Variants in WDR70 observed in about 807,000 individuals in gnomAD.
WDR70 encodes the protein WD repeat domain 70, also known as WD repeat-containing protein 70.
WDR70 carries 53 observed loss-of-function variants against 88.6 expected under a neutral mutation model. That is an observed-to-expected ratio of 0.60 (90% CI 0.48 to 0.75). The LOEUF is 0.75. Among genes scored for constraint, WDR70 ranks in the 30% least tolerant of loss-of-function variants. The pLI, the probability that WDR70 is intolerant of heterozygous loss-of-function variation, is 0.00. For missense variants in WDR70, 610 were observed against 823.2 expected (o/e 0.74, Z 3.17); for synonymous variants, 280 against 270.0 (o/e 1.04, Z -0.36).
At chr5:37,501,148 A>G (rs1740395944) in intron 8 of WDR70, among the ~76,000 whole-genome samples, 1 of 151,530 alleles carries the variant, frequency 6.6e-6, no homozygotes, top group African/African-American at 2.4e-5. Flanking sequence ...TAGATTCTGG[A>G]TATTAGTGCT....
At chr5:37,604,761 G>T (rs943721988) in intron 9 of WDR70, among the ~76,000 whole-genome samples, 1 of 152,216 alleles carries the variant, frequency 6.6e-6, no homozygotes, top group African/African-American at 2.4e-5. Context: ...GGTAAAGTCA[G>T]AATAATTTGG....
At chr5:37,734,687 G>T (rs1329840001) in intron 17 of WDR70, among the ~76,000 whole-genome samples, 1 of 151,980 alleles carries the variant, frequency 6.6e-6, no homozygotes, top group Non-Finnish European at 1.5e-5. Context: ...AGGGAAGAAC[G>T]TCTACAAAAG....
intron 10 of WDR70, among the ~76,000 whole-genome samples, chr5:37,686,325 A>G (rs7732315): frequency 0.088 from 13,393 of 152,120 alleles, 1,886 homozygotes; most frequent in African/African-American, 0.3. Context: ...ACAAAGGGAA[A>G]AAAAAAAGAC....
At chr5:37,549,331 T>C (rs1277574057) in intron 9 of WDR70, among the ~76,000 whole-genome samples, 1 of 152,172 alleles carries the variant, frequency 6.6e-6, no homozygotes, top group African/African-American at 2.4e-5. Context: ...TTTTATAGTC[T>C]TCATTGTAGA....
chr5:37,613,510 C>T (rs1744245743), intron 10 of WDR70, among the ~76,000 whole-genome samples: 1 of 152,162 alleles, frequency 6.6e-6, no homozygotes, highest in Non-Finnish European at 1.5e-5. Context: ...TTATAATTCC[C>T]TCCTCTGCTC....
chr5:37,585,967 G>C (rs944489761), intron 9 of WDR70, among the ~76,000 whole-genome samples: 1 of 152,120 alleles, frequency 6.6e-6, no homozygotes, highest in Non-Finnish European at 1.5e-5. Context: ...CCCTCAAGTT[G>C]TAACTATATC....
intron 10 of WDR70, among the ~76,000 whole-genome samples, chr5:37,621,622 A>T (rs10070366): frequency 0.11 from 16,341 of 152,016 alleles, 2,826 homozygotes; most frequent in African/African-American, 0.37. Flanking sequence ...TAGATTCTGG[A>T]TATTAGCCCT....
intron 10 of WDR70, among the ~76,000 whole-genome samples, chr5:37,675,859 C>T (rs1261664003): frequency 3.9e-5 from 6 of 152,114 alleles, no homozygotes; most frequent in Non-Finnish European, 7.3e-5. Context: ...ATTCTTCCTA[C>T]CCATGAGCAT....
chr5:37,479,808 C>T, intron 7 of WDR70, 26 bp from the exon 8 acceptor site: 2 of 1,595,922 alleles, frequency 1.3e-6, no homozygotes, highest in Non-Finnish European at 1.7e-6. Context: ...TAGTATCTTA[C>T]CAACTTTCCT....
At chr5:37,611,661 A>C (rs1744195476) in intron 10 of WDR70, among the ~76,000 whole-genome samples, 1 of 151,890 alleles carries the variant, frequency 6.6e-6, no homozygotes, top group Non-Finnish European at 1.5e-5. Flanking sequence ...TATGACTTTG[A>C]TTTTGAAAAC....
At position 37,516,579 on chromosome 5, in the gene WDR70, C is replaced by T; in HGVS notation, c.906C>T (p.Cys302=). The T allele has an allele frequency of 1.2e-6, 2 of 1,604,676 alleles. No individual in the cohort carries two copies. Among genetic ancestry groups the T allele is most frequent in the African/African-American group, 2.7e-5 (2 of 74,806 alleles). ...HPKIKGEFMT[C]SNDATVRTWE... is the part of the protein sequence containing the mutation. Reference sequence around the variant, plus strand: ...AAATAAAGGGAGAATTTATGACTTGCTCAAATGATGCGTGAGTATTGTTGA... The same window carrying T: ...AAATAAAGGGAGAATTTATGACTTGTTCAAATGATGCGTGAGTATTGTTGA... Residue 302 remains cysteine, a synonymous_variant, in exon 9 of 18, where the codon TGC becomes TGT. Coordinates refer to ENST00000265107, the MANE Select transcript of WDR70 (RefSeq NM_018034.4).
rs72738719 is a variant in WDR70 at position 37,451,414 on chromosome 5, C to T, written c.686+8042C>T. Reference sequence around the variant, plus strand: ...TGTATCGTCCAGTATGGTAGTCACTCGTCACATGGGGTTACTGAATACTTG... The same window carrying T: ...TGTATCGTCCAGTATGGTAGTCACTTGTCACATGGGGTTACTGAATACTTG... On this transcript the variant is annotated intron_variant, in intron 7 of 17. Coordinates refer to ENST00000265107, the MANE Select transcript of WDR70 (RefSeq NM_018034.4). 1.0e-3 allele frequency among the ~76,000 whole-genome samples: 153 copies of T among 152,192 alleles called. 1 individual carries two copies. The highest frequency in any genetic ancestry group is 1.8e-3 in the Non-Finnish European group (122 of 68,020).
intron 9 of WDR70, among the ~76,000 whole-genome samples, chr5:37,596,157 C>A (rs1164100110): frequency 6.6e-6 from 1 of 152,084 alleles, no homozygotes; most frequent in Non-Finnish European, 1.5e-5. Context: ...ATTGCGCTAA[C>A]CAAATTTTAC....
chr5:37,386,152 A>G (rs1396239822), intron 3 of WDR70, among the ~76,000 whole-genome samples: 3 of 151,968 alleles, frequency 2.0e-5, no homozygotes, highest in African/African-American at 7.3e-5. Context: ...ATCACATCAA[A>G]AAACAATTTT....
intron 7 of WDR70, among the ~76,000 whole-genome samples, chr5:37,470,136 CA>C (rs60159670): frequency 6.0e-5 from 7 of 115,730 alleles, no homozygotes; most frequent in African/African-American, 1.8e-4. Flanking sequence ...AAAACAAAAA[CA>C]AAAAAAAACG....
At chr5:37,432,811 C>T (rs1245768181) in intron 5 of WDR70, among the ~76,000 whole-genome samples, 9 of 152,010 alleles carry the variant, frequency 5.9e-5, no homozygotes, top group Non-Finnish European at 1.5e-5. Flanking sequence ...GATCTGCCTG[C>T]CTTGGCCTCC....
chr5:37,488,666 T>C (rs1367595977), intron 8 of WDR70, among the ~76,000 whole-genome samples: 1 of 152,172 alleles, frequency 6.6e-6, no homozygotes, highest in Non-Finnish European at 1.5e-5. Flanking sequence ...TATTTATCTT[T>C]GGTGAATTCT....
chr5:37,437,473 G>A (rs938506592), intron 5 of WDR70, among the ~76,000 whole-genome samples: 3 of 152,010 alleles, frequency 2.0e-5, no homozygotes, highest in Admixed American at 6.6e-5. Flanking sequence ...GTTACAATAT[G>A]CTTAAAAATA....
intron 9 of WDR70, among the ~76,000 whole-genome samples, chr5:37,595,400 T>G (rs1743673280): frequency 6.6e-6 from 1 of 152,186 alleles, no homozygotes; most frequent in African/African-American, 2.4e-5. Context: ...TGTGTAGTAT[T>G]TATACATTGA....
Sources: gnomAD v4.1 joint callset for allele counts (sites outside exome capture counted in the v4.1 genomes callset) on GRCh38, gnomAD v4.1.1 for gene constraint, MANE v1.5 for transcripts, NCBI Gene and HGNC (gene_info 2026-07-23, HGNC 2026-07-21) for gene names.